The following SRD5A2 variants were observed in gnomAD, a reference collection of about 807,000 sequenced individuals.
The protein encoded by SRD5A2 is steroid 5 alpha-reductase 2.
In SRD5A2, 30 loss-of-function variants were observed where a neutral mutation model predicts 27.4. The observed-to-expected ratio is 1.10, with a 90% CI of 0.82 to 1.49. SRD5A2 has a LOEUF of 1.49. Among genes scored for constraint, SRD5A2 ranks in the 40% most tolerant of loss-of-function variants. The pLI, the probability that SRD5A2 is intolerant of heterozygous loss-of-function variation, is 0.00. For synonymous variants in SRD5A2, 141 were observed against 133.6 expected (o/e 1.06, Z -0.38); for missense variants, 348 against 323.4 (o/e 1.08, Z -0.58).
intron 1 of SRD5A2, among the ~76,000 whole-genome samples, chr2:31,572,204 T>C (rs1210864389): frequency 1.3e-5 from 2 of 152,098 alleles, no homozygotes; most frequent in Non-Finnish European, 2.9e-5. Context: ...CTAACTAACA[T>C]AGAAACTGAA....
the SRD5A2 span, among the ~76,000 whole-genome samples, chr2:31,639,101 GA>G: frequency 6.6e-6 from 1 of 151,862 alleles, no homozygotes; most frequent in African/African-American, 2.4e-5. Context: ...CAGTTACCAT[GA>G]GGCTATTTTA....
intron 1 of SRD5A2, among the ~76,000 whole-genome samples, chr2:31,563,676 CT>C (rs1666671294): frequency 6.6e-6 from 1 of 152,068 alleles, no homozygotes; most frequent in Non-Finnish European, 1.5e-5. Context: ...GAGAATTTTC[CT>C]CAAGTATTAG....
chr2:31,657,122 T>C, the SRD5A2 span, among the ~76,000 whole-genome samples: 4 of 152,160 alleles, frequency 2.6e-5, no homozygotes, highest in Admixed American at 2.6e-4. Flanking sequence ...ACACAGACAT[T>C]CATTTGAAAA....
intron 1 of SRD5A2, among the ~76,000 whole-genome samples, chr2:31,573,756 T>C (rs1014745617): frequency 2.0e-5 from 3 of 152,144 alleles, no homozygotes; most frequent in African/African-American, 7.2e-5. Context: ...CCTTCTGCTG[T>C]CTTTTCAGAA....
At chr2:31,642,893 T>A in the SRD5A2 span, among the ~76,000 whole-genome samples, 1 of 152,060 alleles carries the variant, frequency 6.6e-6, no homozygotes, top group Non-Finnish European at 1.5e-5. Context: ...TGTGGATTCA[T>A]CTCATAGACA....
chr2:31,547,890 T>G (rs1465967407), intron 1 of SRD5A2, among the ~76,000 whole-genome samples: 1 of 152,134 alleles, frequency 6.6e-6, no homozygotes, highest in Non-Finnish European at 1.5e-5. Flanking sequence ...TAGATATAGA[T>G]ATAGTTAGAT....
At chr2:31,657,308 A>T in the SRD5A2 span, among the ~76,000 whole-genome samples, 15 of 152,360 alleles carry the variant, frequency 9.8e-5, no homozygotes, top group African/African-American at 2.6e-4. Flanking sequence ...TTTTCCATAC[A>T]TCTAAAATTA....
At chr2:31,599,646 T>C in the SRD5A2 span, among the ~76,000 whole-genome samples, 2 of 151,982 alleles carry the variant, frequency 1.3e-5, no homozygotes, top group Non-Finnish European at 2.9e-5. Context: ...ACCTATGGGA[T>C]ATAGCAAAAG....
At chr2:31,583,621 A>C (rs1174865524), upstream of SRD5A2, among the ~76,000 whole-genome samples, 84 of 47,580 alleles carry the variant, frequency 1.8e-3, no homozygotes, top group Non-Finnish European at 3.6e-3. Flanking sequence ...CAGGAAAAAA[A>C]AAAAAAACAA....
At chr2:31,613,947 T>C in the SRD5A2 span, among the ~76,000 whole-genome samples, 1 of 152,174 alleles carries the variant, frequency 6.6e-6, no homozygotes, top group Non-Finnish European at 1.5e-5. Flanking sequence ...GATTCACTAA[T>C]CTTCACCTGG....
chr2:31,654,987 T>C, the SRD5A2 span, among the ~76,000 whole-genome samples: 6 of 152,322 alleles, frequency 3.9e-5, no homozygotes, highest in South Asian at 2.1e-4. Flanking sequence ...CTGAACCAAA[T>C]TGATAAGCAG....
At chr2:31,622,233 C>T in the SRD5A2 span, among the ~76,000 whole-genome samples, 7 of 152,038 alleles carry the variant, frequency 4.6e-5, no homozygotes, top group Non-Finnish European at 1.0e-4. Context: ...TGGTATTCTG[C>T]TTCTGTGTTA....
At chr2:31,572,884 C>T (rs533311929) in intron 1 of SRD5A2, among the ~76,000 whole-genome samples, 1 of 151,598 alleles carries the variant, frequency 6.6e-6, no homozygotes, top group Non-Finnish European at 1.5e-5. Flanking sequence ...CAATATGGAG[C>T]AAATATTAAA....
the SRD5A2 span, among the ~76,000 whole-genome samples, chr2:31,627,721 A>G: frequency 6.6e-6 from 1 of 151,984 alleles, no homozygotes; most frequent in Admixed American, 6.6e-5. Context: ...TAATTTCATT[A>G]TTTACCTAGA....
At chr2:31,642,436 GAACA>G in the SRD5A2 span, among the ~76,000 whole-genome samples, 4 of 151,770 alleles carry the variant, frequency 2.6e-5, no homozygotes, top group Admixed American at 6.6e-5. Context: ...TGAAATACTT[GAACA>G]AACACTTCAC....
the SRD5A2 span, among the ~76,000 whole-genome samples, chr2:31,589,930 TG>T: frequency 6.6e-6 from 1 of 152,040 alleles, no homozygotes; most frequent in Non-Finnish European, 1.5e-5. Context: ...TGGAGGGGCA[TG>T]GCGGGAGTAA....
the SRD5A2 span, among the ~76,000 whole-genome samples, chr2:31,589,424 G>A: frequency 4.6e-5 from 7 of 152,208 alleles, no homozygotes; most frequent in East Asian, 1.4e-3. Flanking sequence ...AGGGCAGGAA[G>A]GTGTGCTCTC....
At position 31,529,403 on chromosome 2, in the gene SRD5A2, CATT is replaced by C; in HGVS notation, c.599_601del (p.Glu200_Trp201delinsGly). 2 of 1,613,946 alleles carry C rather than the reference CATT, an allele frequency of 1.2e-6. No homozygotes were observed. Among genetic ancestry groups the C allele is most frequent in the Non-Finnish European group, 1.7e-6 (2 of 1,179,842 alleles). On this transcript the variant is annotated inframe_deletion, in exon 4 of 5. Coordinates refer to ENST00000622030, the MANE Select transcript of SRD5A2 (RefSeq NM_000348.4). Reference sequence around the variant, plus strand: ...CCAAGTGGCCAGGGCATAGCCGATCCATTCAATGATCTCACCGAGGAAATTGGC... The same window carrying C: ...CCAAGTGGCCAGGGCATAGCCGATCCCAATGATCTCACCGAGGAAATTGGC...
chr2:31,626,195 C>G, the SRD5A2 span, among the ~76,000 whole-genome samples: 20 of 152,046 alleles, frequency 1.3e-4, no homozygotes, highest in Non-Finnish European at 2.1e-4. Context: ...TGTGATTTTT[C>G]CACATTGATT....
Sources: allele counts gnomAD v4.1 joint callset (sites outside exome capture counted in the v4.1 genomes callset), GRCh38; gene constraint gnomAD v4.1.1; transcripts MANE v1.5; gene names NCBI Gene and HGNC (gene_info 2026-07-23, HGNC 2026-07-21).